Variants in TENM1 observed in about 807,000 individuals in gnomAD.
The protein encoded by TENM1 is teneurin transmembrane protein 1.
In TENM1, 35 loss-of-function variants were observed where a neutral mutation model predicts 174.8. The ratio of observed to expected loss-of-function variants is 0.20; its 90% CI spans 0.15 to 0.27. The LOEUF is 0.27. Ranked by LOEUF, TENM1 falls within the 10% of genes least tolerant of loss-of-function variation. The probability of loss-of-function intolerance (pLI) is 1.00; values close to 1 mark genes in which losing one functional copy is unlikely to be tolerated. For missense variants in TENM1, 1,633 were observed against 2,130.1 expected (o/e 0.77, Z 4.59); for synonymous variants, 781 against 798.7 (o/e 0.98, Z 0.37).
chrX:124,481,875 T>C (rs375420828), exon 22 of TENM1: 20 of 1,204,726 alleles, frequency 1.7e-5, no homozygotes, highest in East Asian at 3.0e-5. Context: ...AGATTTCAAC[T>C]TGTAGACTTT....
At chrX:124,987,053 T>TTA in the TENM1 span, among the ~76,000 whole-genome samples, 4 of 111,824 alleles carry the variant, frequency 3.6e-5, no homozygotes, top group African/African-American at 1.3e-4. Flanking sequence ...CCTGGGTTCC[T>TTA]TATACATCCA....
At chrX:125,158,704 T>C in the TENM1 span, among the ~76,000 whole-genome samples, 1 of 111,423 alleles carries the variant, frequency 9.0e-6, no homozygotes, top group Admixed American at 9.6e-5. Context: ...CTCCCGGAGA[T>C]GCTGATTTAA....
intron 6 of TENM1, among the ~76,000 whole-genome samples, chrX:124,658,842 T>C (rs753618918): frequency 2.7e-5 from 3 of 112,160 alleles, no homozygotes; most frequent in Non-Finnish European, 5.6e-5. Flanking sequence ...TATCCTTAAT[T>C]AAAGGACTTA....
the TENM1 span, among the ~76,000 whole-genome samples, chrX:125,078,891 T>G: frequency 9.0e-6 from 1 of 111,488 alleles, no homozygotes. Context: ...CTGGTCACAG[T>G]TTTGGCTGCT....
intron 11 of TENM1, among the ~76,000 whole-genome samples, chrX:124,632,332 T>TATG (rs2050780937): frequency 9.0e-6 from 1 of 111,258 alleles, no homozygotes; most frequent in Non-Finnish European, 1.9e-5. Flanking sequence ...TCAACTCTAA[T>TATG]ATGAAGAAAC....
intron 18 of TENM1, among the ~76,000 whole-genome samples, chrX:124,513,329 G>A (rs2047626233): frequency 9.0e-6 from 1 of 111,360 alleles, no homozygotes; most frequent in South Asian, 3.8e-4. Flanking sequence ...ATATCCTCAT[G>A]TAACTCTGAC....
intron 4 of TENM1, among the ~76,000 whole-genome samples, chrX:124,711,249 G>A (rs183175598): frequency 3.7e-4 from 41 of 111,246 alleles, no homozygotes; most frequent in Non-Finnish European, 3.8e-5. Context: ...TGGTAAATGG[G>A]AATATAATAA....
At chrX:125,085,524 T>C in the TENM1 span, among the ~76,000 whole-genome samples, 1 of 111,269 alleles carries the variant, frequency 9.0e-6, no homozygotes, top group East Asian at 2.8e-4. Flanking sequence ...CCTCCAGAAG[T>C]CTAACTGTGA....
chrX:124,783,562 T>C (rs1321097306), intron 3 of TENM1, among the ~76,000 whole-genome samples: 1 of 111,391 alleles, frequency 9.0e-6, no homozygotes, highest in Non-Finnish European at 1.9e-5. Flanking sequence ...GCTTCTATCA[T>C]AATCTATCTT....
the TENM1 span, among the ~76,000 whole-genome samples, chrX:125,184,090 G>C: frequency 1.8e-5 from 2 of 111,659 alleles, no homozygotes; most frequent in Non-Finnish European, 3.8e-5. Flanking sequence ...TTTCTACTAT[G>C]TCATGTTGTC....
chrX:124,995,868 T>A, the TENM1 span, among the ~76,000 whole-genome samples: 1 of 111,250 alleles, frequency 9.0e-6, no homozygotes, highest in Non-Finnish European at 1.9e-5. Context: ...CTGAATTTTA[T>A]TTTTCTTTAA....
At chrX:124,773,716 T>C (rs907216197) in intron 3 of TENM1, among the ~76,000 whole-genome samples, 2 of 111,608 alleles carry the variant, frequency 1.8e-5, no homozygotes, top group African/African-American at 6.5e-5. Context: ...TGCCAATATA[T>C]GGACCCCCAG....
intron 6 of TENM1, among the ~76,000 whole-genome samples, chrX:124,661,334 A>G (rs1019085535): frequency 8.9e-5 from 10 of 112,334 alleles, no homozygotes; most frequent in African/African-American, 3.2e-4. Flanking sequence ...CTATATCTCA[A>G]TAAAGCTGTC....
At chrX:125,062,056 G>C in the TENM1 span, among the ~76,000 whole-genome samples, 1 of 111,861 alleles carries the variant, frequency 8.9e-6, no homozygotes, top group African/African-American at 3.2e-5. Context: ...ATGAGATTTG[G>C]GGCAAGTCAC....
the TENM1 span, among the ~76,000 whole-genome samples, chrX:124,997,117 G>T: frequency 9.0e-6 from 1 of 111,072 alleles, no homozygotes; most frequent in Non-Finnish European, 1.9e-5. Context: ...TTTATGAAAG[G>T]ATAAGGCAAA....
At chrX:125,085,180 A>G in the TENM1 span, among the ~76,000 whole-genome samples, 2 of 110,127 alleles carry the variant, frequency 1.8e-5, no homozygotes, top group East Asian at 5.8e-4. Context: ...GGAGACATAC[A>G]GGGCAAAAAA....
At chrX:125,044,347 C>T in the TENM1 span, among the ~76,000 whole-genome samples, 5 of 109,803 alleles carry the variant, frequency 4.6e-5, no homozygotes, top group South Asian at 3.9e-4. Flanking sequence ...CAGCACTTTG[C>T]AAGGCTGAGG....
In TENM1 at chrX:124,382,826, TA is replaced by T. The variant is rs1169598053; in HGVS notation, c.7298-15del. The T allele has an allele frequency of 8.6e-7, 1 of 1,156,208 alleles. No individual in the cohort carries two copies. Among genetic ancestry groups the T allele is most frequent in the Non-Finnish European group, 1.1e-6 (1 of 873,347 alleles). ...AACTTCTGATGTCTGTGAGACACAA[TA>T]TTAAAAAAAGAAAATGAAAAATCCC... On this transcript the variant is annotated splice_polypyrimidine_tract_variant and intron_variant, in intron 30 of 31. Transcript: ENST00000422452.
chrX:124,473,735 C>T (rs1295489161), intron 22 of TENM1, among the ~76,000 whole-genome samples: 3 of 111,237 alleles, frequency 2.7e-5, no homozygotes, highest in African/African-American at 9.8e-5. Flanking sequence ...TCCAGGCCCC[C>T]ATTCCCTCCA....
Sources: allele counts gnomAD v4.1 joint callset (sites outside exome capture counted in the v4.1 genomes callset), GRCh38; gene constraint gnomAD v4.1.1; transcripts MANE v1.5; gene names NCBI Gene and HGNC (gene_info 2026-07-23, HGNC 2026-07-21).